SEH1L: variants seen among roughly 807,000 people sequenced by gnomAD.
SEH1L encodes SEH1 like nucleoporin.
Under a neutral mutation model 49.5 loss-of-function variants are expected in SEH1L, and 18 were observed. The observed-to-expected ratio is 0.36, with a 90% CI of 0.25 to 0.54. The LOEUF is 0.54. Ranked by LOEUF, SEH1L falls within the 20% of genes least tolerant of loss-of-function variation. The pLI, the probability that SEH1L is intolerant of heterozygous loss-of-function variation, is 0.87. For missense variants in SEH1L, 404 were observed against 528.8 expected (o/e 0.76, Z 2.31); for synonymous variants, 169 against 178.1 (o/e 0.95, Z 0.41).
At chr18:12,952,562 A>T (rs1391965524) in intron 2 of SEH1L, among the ~76,000 whole-genome samples, 1 of 152,176 alleles carries the variant, frequency 6.6e-6, no homozygotes, top group Non-Finnish European at 1.5e-5. Flanking sequence ...AAAGTCATCC[A>T]TTTTAAATGT....
At chr18:12,979,334 A>AT (rs1244799065) in intron 6 of SEH1L, among the ~76,000 whole-genome samples, 42 of 150,196 alleles carry the variant, frequency 2.8e-4, no homozygotes, top group African/African-American at 1.0e-3. Context: ...CCCTTAATCC[A>AT]TTCAACCCTG....
At chr18:12,966,996 A>C (rs948752378) in intron 4 of SEH1L, among the ~76,000 whole-genome samples, 7 of 152,074 alleles carry the variant, frequency 4.6e-5, no homozygotes, top group Admixed American at 4.6e-4. Flanking sequence ...TTTTTCTCTG[A>C]TTACTTCTTT....
Position 12,987,013 on chromosome 18 carries a change from C to T in SEH1L, c.1222C>T (p.Leu408Phe), listed in dbSNP as rs768462017. 9 of 1,612,906 alleles carry T rather than the reference C, an allele frequency of 5.6e-6. No homozygotes were observed. Among genetic ancestry groups the T allele is most frequent in the Non-Finnish European group, 7.6e-6 (9 of 1,179,214 alleles). Residue 408 changes from leucine to phenylalanine, a missense_variant, in exon 9 of 9, where the codon CTC (leucine) becomes TTC (phenylalanine). This residue lies in a region of SEH1L where 342 missense variants were observed against 430.8 expected (regional missense o/e 0.79). Coordinates refer to ENST00000399892, the MANE Select transcript of SEH1L (RefSeq NM_001013437.2). ...GTATCCTCACCCTCGCAGACGATATCTCTCTCGGCCTCTTAATCCCTTACC... is the reference window on the plus strand; with the variant it reads ...GTATCCTCACCCTCGCAGACGATATTTCTCTCGGCCTCTTAATCCCTTACC... ...LQYPHPRRRY[L>F]SRPLNPLPEN... is the part of the protein sequence containing the mutation.
At chr18:12,963,921 C>T (rs1381222408) in intron 4 of SEH1L, among the ~76,000 whole-genome samples, 1 of 152,230 alleles carries the variant, frequency 6.6e-6, no homozygotes, top group Non-Finnish European at 1.5e-5. Flanking sequence ...CCATGTTGGC[C>T]AGACTGGTCT....
At chr18:12,975,212 G>C (rs754894205) in intron 5 of SEH1L, among the ~76,000 whole-genome samples, 1 of 151,932 alleles carries the variant, frequency 6.6e-6, no homozygotes, top group Non-Finnish European at 1.5e-5. Context: ...GGCTGGTCTC[G>C]AACTGTCGAC....
chr18:12,980,839 C>T (rs1165336012), intron 6 of SEH1L, among the ~76,000 whole-genome samples: 10 of 122,538 alleles, frequency 8.2e-5, no homozygotes, highest in Non-Finnish European at 1.4e-4. Context: ...CCCCACTTCC[C>T]TTCCGGACGG....
At chr18:12,955,662 G>A in intron 3 of SEH1L, 53 bp downstream of exon 3, 1 of 1,578,924 alleles carries the variant, frequency 6.3e-7, no homozygotes, top group African/African-American at 1.3e-5. Flanking sequence ...CAGCCAAGGA[G>A]CATTCATCCG....
At position 12,951,917 on chromosome 18, in the gene SEH1L, T is replaced by G. The variant is rs73407763; in HGVS notation, c.162+12T>G. The G allele has an allele frequency of 5.7e-3, 8,116 of 1,427,912 alleles. 389 individuals carry two copies. In the African/African-American group the frequency reaches 0.1, roughly 18 times the overall value. The allele number at this position is 1,427,912 out of a possible 1,614,324, so 88.5% of individuals were successfully genotyped here. On this transcript the variant is annotated intron_variant, in intron 2 of 8. Coordinates refer to ENST00000399892, the MANE Select transcript of SEH1L (RefSeq NM_001013437.2). Reference sequence around the variant, plus strand: ...CTGCTAGCTGGAAGGTTAGTATTTATTTTTACATTTATTAAAAATACAGAA... The same window carrying G: ...CTGCTAGCTGGAAGGTTAGTATTTAGTTTTACATTTATTAAAAATACAGAA...
chr18:12,965,922 A>G (rs2031429096), intron 4 of SEH1L, among the ~76,000 whole-genome samples: 1 of 152,206 alleles, frequency 6.6e-6, no homozygotes, highest in Admixed American at 6.5e-5. Context: ...ACAGAAGTAC[A>G]GTAGACAGAC....
intron 4 of SEH1L, among the ~76,000 whole-genome samples, chr18:12,965,646 C>T (rs145455643): frequency 4.1e-4 from 62 of 152,278 alleles, no homozygotes; most frequent in Non-Finnish European, 8.1e-4. Context: ...AACGAGCTGT[C>T]GTCAGTCTGA....
chr18:12,953,224 C>T (rs116828909), intron 2 of SEH1L, among the ~76,000 whole-genome samples: 97 of 152,166 alleles, frequency 6.4e-4, no homozygotes, highest in African/African-American at 2.2e-3. Context: ...CTGAGTAGTC[C>T]GTTGTATGTA....
intron 2 of SEH1L, among the ~76,000 whole-genome samples, chr18:12,954,517 A>C (rs1568210494): frequency 6.6e-6 from 1 of 152,196 alleles, no homozygotes; most frequent in Non-Finnish European, 1.5e-5. Flanking sequence ...CCCAGGCTGG[A>C]GTGCAGTGGC....
At position 12,971,177 on chromosome 18, in the gene SEH1L, C is replaced by G; in HGVS notation, c.546C>G (p.Ile182Met). The G allele has an allele frequency of 1.2e-6, 2 of 1,613,428 alleles. No homozygotes were observed. The highest frequency in any genetic ancestry group is 1.7e-6 in the Non-Finnish European group (2 of 1,179,518). ...PSSSRAHSPM[I>M]AVGSDDSSPN... Reference sequence around the variant, plus strand: ...GCTCTCGTGCTCATTCCCCCATGATCGCCGTAGGAAGTGATGACAGTAGCC... The same window carrying G: ...GCTCTCGTGCTCATTCCCCCATGATGGCCGTAGGAAGTGATGACAGTAGCC... The change falls in exon 5 of 9, where the codon ATC becomes ATG. Residue 182 changes from isoleucine to methionine, a missense_variant. Physicochemically the swap from Ile to Met is conservative, Grantham distance 10. Transcript: ENST00000399892.
chr18:12,966,704 T>A (rs1873210586), intron 4 of SEH1L, among the ~76,000 whole-genome samples: 1 of 152,204 alleles, frequency 6.6e-6, no homozygotes, highest in Non-Finnish European at 1.5e-5. Flanking sequence ...ACTTGGCCAA[T>A]CCTGCTTGAC....
At chr18:12,959,317 A>G (rs2031057334) in intron 3 of SEH1L, among the ~76,000 whole-genome samples, 1 of 152,030 alleles carries the variant, frequency 6.6e-6, no homozygotes, top group Non-Finnish European at 1.5e-5. Flanking sequence ...TGGATTTTGG[A>G]TTTTGCAATA....
chr18:12,986,013 T>G, intron 8 of SEH1L: 1 of 914,854 alleles, frequency 1.1e-6, no homozygotes, highest in Non-Finnish European at 1.3e-6. Flanking sequence ...ATTTTTATGG[T>G]GTTATTTATT....
chr18:12,973,307 A>G (rs1327857506), intron 5 of SEH1L: 1 of 146,530 alleles, frequency 6.8e-6, no homozygotes, highest in Non-Finnish European at 1.5e-5. Flanking sequence ...GAAATTACCT[A>G]TTTTTTTTTT....
At chr18:12,968,139 G>T (rs1188871084) in intron 4 of SEH1L, among the ~76,000 whole-genome samples, 1 of 152,122 alleles carries the variant, frequency 6.6e-6, no homozygotes, top group Non-Finnish European at 1.5e-5. Context: ...ATTTATGAGT[G>T]AGTGACTGTT....
At chr18:12,967,990 G>C (rs1351875496) in intron 4 of SEH1L, among the ~76,000 whole-genome samples, 1 of 152,146 alleles carries the variant, frequency 6.6e-6, no homozygotes, top group African/African-American at 2.4e-5. Flanking sequence ...TTTTAGGCCA[G>C]TTTACAAGTG....
Sources: gnomAD v4.1 joint callset for allele counts (sites outside exome capture counted in the v4.1 genomes callset) on GRCh38, gnomAD v4.1.1 for gene constraint, gnomAD v4.1.1 regional missense constraint, MANE v1.5 for transcripts, NCBI Gene and HGNC (gene_info 2026-07-23, HGNC 2026-07-21) for gene names.